ZNF385B: variants seen among roughly 807,000 people sequenced by gnomAD.
ZNF385B encodes the protein zinc finger protein 385B.
In ZNF385B, 23 loss-of-function variants were observed where a neutral mutation model predicts 39.2. The ratio of observed to expected loss-of-function variants is 0.59; its 90% CI spans 0.42 to 0.83. The LOEUF (loss-of-function observed/expected upper bound fraction) is 0.83, where lower values mean the gene tolerates loss of function less well. Among genes scored for constraint, ZNF385B ranks in the 40% least tolerant of loss-of-function variants. The pLI, the probability that ZNF385B is intolerant of heterozygous loss-of-function variation, is 0.00. For missense variants in ZNF385B, 552 were observed against 598.9 expected (o/e 0.92, Z 0.82); for synonymous variants, 205 against 222.6 (o/e 0.92, Z 0.70).
chr2:179,681,377 C>T (rs1407728826), intron 3 of ZNF385B, among the ~76,000 whole-genome samples: 1 of 152,014 alleles, frequency 6.6e-6, no homozygotes, highest in Non-Finnish European at 1.5e-5. Context: ...TTCAGGGACT[C>T]TATGTTCTGA....
intron 3 of ZNF385B, among the ~76,000 whole-genome samples, chr2:179,563,355 T>G (rs529561182): frequency 4.0e-4 from 61 of 152,328 alleles, no homozygotes; most frequent in African/African-American, 1.4e-3. Context: ...TACTGATGAG[T>G]TAGCTTAGTG....
At chr2:179,832,108 T>G (rs1466883403) in intron 1 of ZNF385B, among the ~76,000 whole-genome samples, 3 of 152,168 alleles carry the variant, frequency 2.0e-5, no homozygotes, top group Non-Finnish European at 4.4e-5. Flanking sequence ...AGCAGTCAGA[T>G]TAATTAAACT....
intron 3 of ZNF385B, among the ~76,000 whole-genome samples, chr2:179,705,857 A>G (rs1369094369): frequency 6.6e-6 from 1 of 152,238 alleles, no homozygotes; most frequent in Admixed American, 6.5e-5. Context: ...CTTGATGTAC[A>G]TACATAAGCA....
intron 3 of ZNF385B, among the ~76,000 whole-genome samples, chr2:179,613,454 G>C (rs1341200141): frequency 6.6e-6 from 1 of 152,090 alleles, no homozygotes; most frequent in African/African-American, 2.4e-5. Flanking sequence ...GGGCCCAAGG[G>C]CTCTTTAGTC....
At chr2:179,652,572 C>A (rs1351008650) in intron 3 of ZNF385B, among the ~76,000 whole-genome samples, 1 of 152,106 alleles carries the variant, frequency 6.6e-6, no homozygotes, top group Non-Finnish European at 1.5e-5. Context: ...CTCTCAGTCA[C>A]CCTCATCCAA....
chr2:179,555,286 A>T (rs1574772689), intron 3 of ZNF385B, among the ~76,000 whole-genome samples: 1 of 149,552 alleles, frequency 6.7e-6, no homozygotes, highest in Admixed American at 6.6e-5. Flanking sequence ...AGGCAAAGTA[A>T]TTTATTCTGT....
chr2:179,857,176 G>T (rs1470150382), intron 1 of ZNF385B, among the ~76,000 whole-genome samples: 2 of 152,196 alleles, frequency 1.3e-5, no homozygotes, highest in Admixed American at 1.3e-4. Flanking sequence ...GTTAATAAAA[G>T]ACAGTTATTA....
chr2:179,543,591 A>G (rs989152556), intron 4 of ZNF385B, among the ~76,000 whole-genome samples: 12 of 152,162 alleles, frequency 7.9e-5, no homozygotes, highest in African/African-American at 2.9e-4. Flanking sequence ...GGGTGGATCA[A>G]TGAAACCAAG....
intron 1 of ZNF385B, among the ~76,000 whole-genome samples, chr2:179,815,712 T>C (rs1707021926): frequency 6.6e-6 from 1 of 152,178 alleles, no homozygotes; most frequent in African/African-American, 2.4e-5. Context: ...ATTTGCAAAT[T>C]CAGTGGTCAA....
At chr2:179,510,719 T>C (rs2057614274) in intron 5 of ZNF385B, among the ~76,000 whole-genome samples, 1 of 151,902 alleles carries the variant, frequency 6.6e-6, no homozygotes, top group African/African-American at 2.4e-5. Context: ...ACAGGGGAAA[T>C]TGCATTTGTT....
chr2:179,579,851 G>A (rs1035494119), intron 3 of ZNF385B, among the ~76,000 whole-genome samples: 1 of 152,024 alleles, frequency 6.6e-6, no homozygotes, highest in African/African-American at 2.4e-5. Context: ...ACACTATAAG[G>A]TGGACTCTAT....
intron 3 of ZNF385B, among the ~76,000 whole-genome samples, chr2:179,707,221 A>C (rs1369632874): frequency 1.3e-5 from 2 of 152,238 alleles, no homozygotes; most frequent in African/African-American, 2.4e-5. Context: ...AAATAGGTTC[A>C]GGAAGAAGGG....
chr2:179,470,387 G>A (rs2052604052), intron 6 of ZNF385B, among the ~76,000 whole-genome samples: 1 of 152,132 alleles, frequency 6.6e-6, no homozygotes, highest in African/African-American at 2.4e-5. Context: ...CTTCCTCCGT[G>A]CAGCCTGTTG....
intron 3 of ZNF385B, among the ~76,000 whole-genome samples, chr2:179,602,506 T>C (rs988123623): frequency 6.6e-6 from 1 of 152,122 alleles, no homozygotes; most frequent in Non-Finnish European, 1.5e-5. Flanking sequence ...GCTTCTTTTT[T>C]TTTTAAGTTA....
chr2:179,609,616 T>C (rs1689119001), intron 3 of ZNF385B, among the ~76,000 whole-genome samples: 1 of 152,220 alleles, frequency 6.6e-6, no homozygotes, highest in Non-Finnish European at 1.5e-5. Context: ...TTGAATCACA[T>C]GGTAGCTCTA....
intron 1 of ZNF385B, chr2:179,814,587 G>A (rs968304256): frequency 5.6e-6 from 4 of 708,786 alleles, no homozygotes; most frequent in East Asian, 9.6e-5. Context: ...GGAGATGGTC[G>A]ACATCATAGA....
chr2:179,459,149 T>G (rs546481825), intron 6 of ZNF385B, among the ~76,000 whole-genome samples: 4 of 152,324 alleles, frequency 2.6e-5, no homozygotes, highest in South Asian at 4.1e-4. Flanking sequence ...CCAGAAGAAT[T>G]AATGGACACT....
At chr2:179,856,624 C>CAAAAAAA (rs11308289) in intron 1 of ZNF385B, among the ~76,000 whole-genome samples, 3 of 108,304 alleles carry the variant, frequency 2.8e-5, no homozygotes, top group African/African-American at 3.4e-5. Context: ...ACAGCAGAGA[C>CAAAAAAA]AAAAAAAAAA....
intron 6 of ZNF385B, among the ~76,000 whole-genome samples, chr2:179,448,792 C>T (rs974950244): frequency 3.9e-5 from 6 of 152,026 alleles, no homozygotes; most frequent in African/African-American, 1.4e-4. Flanking sequence ...AAAAGGAGGA[C>T]TTAATATATC....
Sources: allele counts gnomAD v4.1 joint callset (sites outside exome capture counted in the v4.1 genomes callset), GRCh38; gene constraint gnomAD v4.1.1; transcripts MANE v1.5; gene names NCBI Gene and HGNC (gene_info 2026-07-23, HGNC 2026-07-21).